The following TFPI variants were observed in gnomAD, a reference collection of about 807,000 sequenced individuals.
TFPI encodes anti-convertin.
TFPI carries 15 observed loss-of-function variants against 34.6 expected under a neutral mutation model. The ratio of observed to expected loss-of-function variants is 0.43; its 90% CI spans 0.29 to 0.67. TFPI has a LOEUF of 0.67. Among genes scored for constraint, TFPI ranks in the 30% least tolerant of loss-of-function variants. TFPI has a pLI of 0.15. For missense variants in TFPI, 301 were observed against 364.0 expected (o/e 0.83, Z 1.41); for synonymous variants, 105 against 120.1 (o/e 0.87, Z 0.82).
chr2:187,543,013 CAGAGAT>C (rs1378041677), intron 1 of TFPI, among the ~76,000 whole-genome samples: 1 of 152,014 alleles, frequency 6.6e-6, no homozygotes, highest in Non-Finnish European at 1.5e-5. Flanking sequence ...GTTAACTGGA[CAGAGAT>C]AAAGAACAAA....
At chr2:187,518,314 A>T (rs1207875481) in intron 1 of TFPI, 3 of 152,250 alleles carry the variant, frequency 2.0e-5, no homozygotes, top group South Asian at 4.1e-4. Flanking sequence ...CTCCTAGAGG[A>T]GCTCTTTTAA....
rs191220043 is a variant in TFPI at position 187,468,111 on chromosome 2, G to A, written c.629-179C>T. ...CTAGGAAAATGCTTAACAAAACCAT[G>A]TGTCCAGTATATTGAGATCTTTCTC... On this transcript the variant is annotated intron_variant, in intron 6 of 7. Coordinates refer to ENST00000233156, the MANE Select transcript of TFPI (RefSeq NM_006287.6). Among the ~76,000 whole-genome samples, 299 of 152,158 alleles carry A rather than the reference G, an allele frequency of 2.0e-3. 2 individuals are homozygous for A. The highest frequency in any genetic ancestry group is 6.8e-3 in the African/African-American group (284 of 41,538).
chr2:187,521,871 A>G (rs1390749382), intron 1 of TFPI, among the ~76,000 whole-genome samples: 2 of 151,962 alleles, frequency 1.3e-5, no homozygotes, highest in Non-Finnish European at 2.9e-5. Context: ...CAGGCCCAGC[A>G]TTCCAATTTC....
intron 1 of TFPI, among the ~76,000 whole-genome samples, chr2:187,536,488 T>C (rs1014779403): frequency 6.6e-6 from 1 of 152,178 alleles, no homozygotes; most frequent in Admixed American, 6.5e-5. Context: ...AAAAACCACA[T>C]GATTATCTCA....
intron 1 of TFPI, among the ~76,000 whole-genome samples, chr2:187,527,574 A>G (rs1687743622): frequency 6.6e-6 from 1 of 152,108 alleles, no homozygotes; most frequent in Non-Finnish European, 1.5e-5. Context: ...TGGGTCCCAC[A>G]TTTTTGGGAT....
chr2:187,494,375 A>G (rs1685328552), intron 3 of TFPI, among the ~76,000 whole-genome samples: 1 of 152,128 alleles, frequency 6.6e-6, no homozygotes, highest in Admixed American at 6.5e-5. Flanking sequence ...AGAGACCACC[A>G]TGCTGTACTT....
intron 1 of TFPI, chr2:187,515,329 C>G (rs1203429623): frequency 6.6e-6 from 1 of 152,220 alleles, no homozygotes; most frequent in Non-Finnish European, 1.5e-5. Flanking sequence ...CTGTGAAAAT[C>G]CCTGCATAAC....
At chr2:187,534,926 G>T (rs797001040) in intron 1 of TFPI, among the ~76,000 whole-genome samples, 5 of 151,674 alleles carry the variant, frequency 3.3e-5, no homozygotes, top group African/African-American at 1.2e-4. Flanking sequence ...AAAAAAATCA[G>T]GGGTTGCAAT....
At chr2:187,469,653 A>G (rs1473404158) in intron 6 of TFPI, among the ~76,000 whole-genome samples, 1 of 152,116 alleles carries the variant, frequency 6.6e-6, no homozygotes, top group African/African-American at 2.4e-5. Flanking sequence ...CTAACACAAT[A>G]CTGTTTTACT....
intron 6 of TFPI, among the ~76,000 whole-genome samples, chr2:187,473,098 A>T (rs1173826143): frequency 6.6e-6 from 1 of 152,212 alleles, no homozygotes; most frequent in Non-Finnish European, 1.5e-5. Context: ...GTTAAAAGGT[A>T]GAAAAACCTG....
intron 1 of TFPI, among the ~76,000 whole-genome samples, chr2:187,539,556 G>A (rs13427829): frequency 0.17 from 25,150 of 152,122 alleles, 2,647 homozygotes; most frequent in East Asian, 0.31. Context: ...CAGATAGTGT[G>A]TAACCTTAGT....
chr2:187,493,105 T>G (rs1040201883), intron 3 of TFPI, among the ~76,000 whole-genome samples: 2 of 152,158 alleles, frequency 1.3e-5, no homozygotes, highest in Admixed American at 1.3e-4. Context: ...AGGTTCTCCA[T>G]GAGAGCCCCA....
intron 6 of TFPI, chr2:187,478,777 A>C: frequency 1.9e-6 from 3 of 1,613,582 alleles, no homozygotes; most frequent in Non-Finnish European, 2.5e-6. Flanking sequence ...GCATTCTTCC[A>C]ACCATCATTT....
In TFPI at chr2:187,479,589, A is replaced by G. The variant is rs1692683762; in HGVS notation, c.628+4535T>C. Among the ~76,000 whole-genome samples the G allele has an allele frequency of 2.4e-5, 3 of 126,478 alleles. No homozygotes were observed. The South Asian group carries it at 7.7e-4, about 33-fold the overall frequency. The allele number at this position is 126,478 out of a possible 152,430, so 83.0% of individuals were successfully genotyped here. A position where few individuals can be genotyped will look rare whatever the true frequency, so the allele number is the denominator to read the frequency against. The stretch of plus-strand genomic sequence containing the variant: ...TATATATATATATATATATATATAT[A>G]TGATTTAAAAATACTGAAATACTTT... On this transcript the variant is annotated intron_variant, in intron 6 of 7. Transcript: ENST00000233156.
At chr2:187,522,733 A>C (rs1335421892) in intron 1 of TFPI, among the ~76,000 whole-genome samples, 1 of 147,262 alleles carries the variant, frequency 6.8e-6, no homozygotes. Context: ...AATACAAAAA[A>C]AAAAAAAAAA....
rs8176562 is a variant in TFPI, at chr2:187,473,764, A to G, written c.629-5832T>C. Among the ~76,000 whole-genome samples, 286 of 151,840 alleles carry G rather than the reference A, an allele frequency of 1.9e-3. 3 individuals are homozygous for G. Among genetic ancestry groups the G allele is most frequent in the African/African-American group, 6.6e-3 (275 of 41,510 alleles). ...AAAGTGATATTCTATAAAGAAAAAA[A>G]AAACGGGGAAGGGAATGGAAAAACA... On this transcript the variant is annotated intron_variant, in intron 6 of 7. Transcript: ENST00000233156.
At chr2:187,505,353 C>T (rs1686136447) in intron 1 of TFPI, among the ~76,000 whole-genome samples, 1 of 152,034 alleles carries the variant, frequency 6.6e-6, no homozygotes, top group Non-Finnish European at 1.5e-5. Context: ...TTTAGACTTT[C>T]GTTGGGTGCT....
chr2:187,488,763 G>A (rs1408479214), intron 3 of TFPI, among the ~76,000 whole-genome samples: 1 of 151,322 alleles, frequency 6.6e-6, no homozygotes, highest in Non-Finnish European at 1.5e-5. Flanking sequence ...TAGATAACTG[G>A]GAATAAAAGT....
chr2:187,488,679 TAAAAC>T (rs1693473403), intron 3 of TFPI, among the ~76,000 whole-genome samples: 1 of 151,448 alleles, frequency 6.6e-6, no homozygotes, highest in Admixed American at 6.6e-5. Context: ...TATCTATACT[TAAAAC>T]AATTATTTTA....
Sources: gnomAD v4.1 joint callset for allele counts (sites outside exome capture counted in the v4.1 genomes callset) on GRCh38, gnomAD v4.1.1 for gene constraint, MANE v1.5 for transcripts, NCBI Gene and HGNC (gene_info 2026-07-23, HGNC 2026-07-21) for gene names.